WWOX: variants seen among roughly 807,000 people sequenced by gnomAD.
WWOX encodes WW domain-containing oxidoreductase.
Under a neutral mutation model 46.2 loss-of-function variants are expected in WWOX, and 69 were observed. The ratio of observed to expected loss-of-function variants is 1.49; its 90% CI spans 1.23 to 1.82. WWOX has a LOEUF of 1.82. WWOX is among the 40% of genes most tolerant of loss of function. The pLI is 0.00. For missense variants in WWOX, 919 were observed against 542.6 expected (o/e 1.69, Z -6.89); for synonymous variants, 359 against 202.6 (o/e 1.77, Z -6.56).
At chr16:78,612,967 C>A (rs577401872) in intron 8 of WWOX, among the ~76,000 whole-genome samples, 1 of 152,184 alleles carries the variant, frequency 6.6e-6, no homozygotes, top group Non-Finnish European at 1.5e-5. Flanking sequence ...CCAACCTTGC[C>A]TTTCACCCTA....
intron 4 of WWOX, among the ~76,000 whole-genome samples, chr16:78,163,613 T>G (rs150369371): frequency 1.7e-4 from 26 of 152,360 alleles, no homozygotes; most frequent in African/African-American, 6.3e-4. Flanking sequence ...AGTGCCCTTC[T>G]GATGCCTTCA....
chr16:78,378,766 T>G (rs1001346423), intron 5 of WWOX, among the ~76,000 whole-genome samples: 3 of 152,218 alleles, frequency 2.0e-5, no homozygotes, highest in Admixed American at 2.0e-4. Context: ...AGGATGCCAT[T>G]AGCAATAAGC....
intron 8 of WWOX, among the ~76,000 whole-genome samples, chr16:78,637,995 C>T (rs1273886148): frequency 6.6e-6 from 1 of 152,156 alleles, no homozygotes; most frequent in East Asian, 1.9e-4. Context: ...ACTTGCTCAC[C>T]TGTCTGTGCA....
chr16:78,418,815 C>CA (rs1393218189), intron 6 of WWOX, among the ~76,000 whole-genome samples: 3 of 151,950 alleles, frequency 2.0e-5, no homozygotes, highest in Admixed American at 6.6e-5. Context: ...AGGGCATCTG[C>CA]AAAAAACCCA....
At chr16:78,772,131 T>A (rs1486807972) in intron 8 of WWOX, among the ~76,000 whole-genome samples, 1 of 152,158 alleles carries the variant, frequency 6.6e-6, no homozygotes, top group African/African-American at 2.4e-5. Context: ...AACAGATTAT[T>A]TCATCACCCA....
At chr16:78,850,505 G>GT (rs954998889) in intron 8 of WWOX, among the ~76,000 whole-genome samples, 8 of 152,128 alleles carry the variant, frequency 5.3e-5, no homozygotes, top group East Asian at 3.8e-4. Flanking sequence ...ACCGTTTATA[G>GT]TTTTTTTACT....
At chr16:79,032,899 C>T (rs1038019491) in intron 8 of WWOX, among the ~76,000 whole-genome samples, 2 of 151,294 alleles carry the variant, frequency 1.3e-5, no homozygotes, top group African/African-American at 4.8e-5. Flanking sequence ...AGTTATTTTT[C>T]CTGCTCTTCT....
At chr16:78,565,947 G>A (rs1239017871) in intron 8 of WWOX, among the ~76,000 whole-genome samples, 4 of 137,544 alleles carry the variant, frequency 2.9e-5, no homozygotes, top group East Asian at 2.2e-4. Flanking sequence ...ATACAATGGC[G>A]ATTGTTTTGT....
chr16:78,973,203 C>T (rs1476879972), intron 8 of WWOX, among the ~76,000 whole-genome samples: 1 of 152,140 alleles, frequency 6.6e-6, no homozygotes, highest in Non-Finnish European at 1.5e-5. Context: ...GATAAAGGCC[C>T]TTATTACAAA....
At chr16:78,651,034 G>T (rs1050306294) in intron 8 of WWOX, among the ~76,000 whole-genome samples, 4 of 152,208 alleles carry the variant, frequency 2.6e-5, no homozygotes, top group African/African-American at 9.7e-5. Context: ...TGGATTGATA[G>T]CTCCTTGACT....
intron 8 of WWOX, among the ~76,000 whole-genome samples, chr16:78,964,162 T>C (rs564127897): frequency 1.1e-3 from 167 of 152,276 alleles, no homozygotes; most frequent in African/African-American, 3.7e-3. Flanking sequence ...GCTGAAAAGA[T>C]ATCTGAAAAT....
At chr16:78,352,588 G>T (rs1174587424) in intron 5 of WWOX, among the ~76,000 whole-genome samples, 2 of 152,160 alleles carry the variant, frequency 1.3e-5, no homozygotes, top group African/African-American at 4.8e-5. Context: ...TGTAACTTCA[G>T]GGAGTCTACC....
At chr16:79,014,406 A>G (rs1222204710) in intron 8 of WWOX, among the ~76,000 whole-genome samples, 1 of 151,980 alleles carries the variant, frequency 6.6e-6, no homozygotes, top group East Asian at 1.9e-4. Flanking sequence ...GAACCTTTAA[A>G]TTTTCTCAAG....
intron 5 of WWOX, among the ~76,000 whole-genome samples, chr16:78,215,761 C>G (rs1026997209): frequency 1.3e-5 from 2 of 152,008 alleles, no homozygotes; most frequent in Admixed American, 1.3e-4. Flanking sequence ...AACCCTGCCT[C>G]TACTAAAAAT....
At chr16:78,284,449 C>A (rs1249408284) in intron 5 of WWOX, among the ~76,000 whole-genome samples, 4 of 152,202 alleles carry the variant, frequency 2.6e-5, no homozygotes, top group African/African-American at 9.6e-5. Flanking sequence ...CATCAGCATT[C>A]CTAAACTTAC....
intron 8 of WWOX, among the ~76,000 whole-genome samples, chr16:78,519,685 A>C (rs770647190): frequency 7.2e-5 from 11 of 151,996 alleles, no homozygotes; most frequent in Admixed American, 2.6e-4. Flanking sequence ...AATCCCCATG[A>C]ATGGGTTTAG....
intron 8 of WWOX, among the ~76,000 whole-genome samples, chr16:79,050,489 C>T (rs762302346): frequency 1.3e-5 from 2 of 152,214 alleles, no homozygotes; most frequent in Non-Finnish European, 2.9e-5. Flanking sequence ...ATTCCTCTGT[C>T]ACACACTGAT....
At chr16:78,189,720 T>TC (rs2035821959) in intron 5 of WWOX, among the ~76,000 whole-genome samples, 1 of 152,158 alleles carries the variant, frequency 6.6e-6, no homozygotes, top group Admixed American at 6.5e-5. Flanking sequence ...AATGGCGTGA[T>TC]CTTGGCTCAC....
chr16:78,583,242 C>A (rs2045108437), intron 8 of WWOX, among the ~76,000 whole-genome samples: 1 of 152,122 alleles, frequency 6.6e-6, no homozygotes, highest in Non-Finnish European at 1.5e-5. Flanking sequence ...AGAACCAGGG[C>A]CAAAGCAGTG....
Sources: gnomAD v4.1 joint callset for allele counts (sites outside exome capture counted in the v4.1 genomes callset) on GRCh38, gnomAD v4.1.1 for gene constraint, MANE v1.5 for transcripts, NCBI Gene and HGNC (gene_info 2026-07-23, HGNC 2026-07-21) for gene names.